NELL2: variants seen among roughly 807,000 people sequenced by gnomAD.
NELL2 encodes the protein neural EGFL like 2.
A neutral mutation model predicts 109.6 loss-of-function variants in NELL2; 41 were observed. That is an observed-to-expected ratio of 0.37 (90% CI 0.29 to 0.49). The LOEUF is 0.49. Ranked by LOEUF, NELL2 falls within the 20% of genes least tolerant of loss-of-function variation. NELL2 has a pLI of 0.98. For synonymous variants in NELL2, 355 were observed against 344.7 expected (o/e 1.03, Z -0.33); for missense variants, 900 against 1,008.3 (o/e 0.89, Z 1.45).
intron 8 of NELL2, among the ~76,000 whole-genome samples, chr12:44,775,186 C>G (rs1357880159): frequency 6.7e-6 from 1 of 149,372 alleles, no homozygotes; most frequent in East Asian, 1.9e-4. Context: ...ATATCATGTT[C>G]CTGAATAAAA....
intron 13 of NELL2, among the ~76,000 whole-genome samples, chr12:44,645,562 G>A (rs1947063225): frequency 6.6e-6 from 1 of 152,168 alleles, no homozygotes. Flanking sequence ...AAAATTGGGA[G>A]AGAAACATTT....
At chr12:44,816,799 C>G (rs1943366624) in intron 2 of NELL2, among the ~76,000 whole-genome samples, 1 of 152,182 alleles carries the variant, frequency 6.6e-6, no homozygotes, top group African/African-American at 2.4e-5. Flanking sequence ...GGGAAGTTTA[C>G]TTAAGAGAGG....
intron 13 of NELL2, among the ~76,000 whole-genome samples, chr12:44,655,852 T>G (rs1947480553): frequency 6.6e-6 from 1 of 152,164 alleles, no homozygotes; most frequent in Admixed American, 6.6e-5. Flanking sequence ...ATCATTTAGC[T>G]TTAGGGGGCA....
intron 13 of NELL2, among the ~76,000 whole-genome samples, chr12:44,613,126 A>C (rs561765918): frequency 6.6e-6 from 1 of 152,078 alleles, no homozygotes; most frequent in Non-Finnish European, 1.5e-5. Flanking sequence ...ATTTTTAAAC[A>C]TTACAATAAA....
chr12:44,854,891 G>A (rs777053425), intron 2 of NELL2, among the ~76,000 whole-genome samples: 72 of 151,986 alleles, frequency 4.7e-4, no homozygotes, highest in Non-Finnish European at 8.7e-4. Flanking sequence ...TAGTTTTGCC[G>A]TTTACACCAG....
intron 16 of NELL2, among the ~76,000 whole-genome samples, chr12:44,531,718 G>T (rs1191880399): frequency 6.6e-6 from 1 of 152,174 alleles, no homozygotes; most frequent in Admixed American, 6.5e-5. Flanking sequence ...AGGTTAGATT[G>T]TCAAAAGCTT....
intron 2 of NELL2, among the ~76,000 whole-genome samples, chr12:44,856,646 T>C (rs1605297): frequency 0.8 from 121,394 of 152,014 alleles, 48,923 homozygotes; most frequent in Middle Eastern, 0.94. Flanking sequence ...CCTGGCATGT[T>C]TGAGAAACAA....
chr12:44,811,535 G>T (rs1015263053), intron 3 of NELL2, among the ~76,000 whole-genome samples: 1 of 151,770 alleles, frequency 6.6e-6, no homozygotes, highest in African/African-American at 2.4e-5. Context: ...AAAGAAAAAG[G>T]GTGACACATA....
intron 2 of NELL2, among the ~76,000 whole-genome samples, chr12:44,846,403 C>T (rs1944371352): frequency 6.6e-6 from 1 of 152,144 alleles, no homozygotes; most frequent in African/African-American, 2.4e-5. Context: ...TTCTTTAGTG[C>T]CACTGTGGTC....
At chr12:44,695,047 AAAGG>A (rs146303263) in intron 12 of NELL2, among the ~76,000 whole-genome samples, 6 of 149,582 alleles carry the variant, frequency 4.0e-5, no homozygotes, top group Non-Finnish European at 4.4e-5. Context: ...AGGAAGGAAG[AAAGG>A]AAGGAAGGAA....
At chr12:44,681,183 A>G (rs895616475) in intron 12 of NELL2, among the ~76,000 whole-genome samples, 7 of 150,522 alleles carry the variant, frequency 4.7e-5, no homozygotes, top group Admixed American at 4.6e-4. Flanking sequence ...CATTTCTCTT[A>G]CTATGTTATA....
At chr12:44,680,426 T>C (rs1401111697) in intron 12 of NELL2, among the ~76,000 whole-genome samples, 1 of 152,162 alleles carries the variant, frequency 6.6e-6, no homozygotes, top group Non-Finnish European at 1.5e-5. Flanking sequence ...TTTTTAAAAA[T>C]CTATTTGGGA....
At chr12:44,712,863 G>A (rs561448850) in intron 10 of NELL2, among the ~76,000 whole-genome samples, 7 of 151,550 alleles carry the variant, frequency 4.6e-5, no homozygotes, top group Non-Finnish European at 8.9e-5. Context: ...TGGATATATC[G>A]GGGAAAACAG....
chr12:44,649,486 C>G (rs1947228503), intron 13 of NELL2, among the ~76,000 whole-genome samples: 1 of 152,182 alleles, frequency 6.6e-6, no homozygotes, highest in Admixed American at 6.5e-5. Context: ...AAGTGGAAGG[C>G]AAAGAGATAG....
chr12:44,528,578 T>C (rs74085081), intron 16 of NELL2, among the ~76,000 whole-genome samples: 16,822 of 152,206 alleles, frequency 0.11, 1,867 homozygotes, highest in African/African-American at 0.28. Context: ...ATTGGACAAA[T>C]AAATGTATCA....
intron 1 of NELL2, among the ~76,000 whole-genome samples, chr12:44,906,695 A>G (rs1945722875): frequency 6.6e-6 from 1 of 152,082 alleles, no homozygotes. Context: ...AGATGAAAAA[A>G]CTAGAGGAAG....
intron 3 of NELL2, among the ~76,000 whole-genome samples, chr12:44,814,227 T>G (rs990817261): frequency 6.6e-6 from 1 of 152,106 alleles, no homozygotes; most frequent in Non-Finnish European, 1.5e-5. Context: ...CCATCATCTA[T>G]GTAAGGGATG....
chr12:44,585,970 T>G (rs1286317469), intron 15 of NELL2, among the ~76,000 whole-genome samples: 1 of 150,776 alleles, frequency 6.6e-6, no homozygotes, highest in Non-Finnish European at 1.5e-5. Context: ...AGTATATTTA[T>G]GTACCCATGC....
chr12:44,719,976 T>C lies in NELL2; in HGVS notation c.995-5235A>G, dbSNP rs1946157550. ...AGTCAAACAAAAAATTTTAAAAGTG[T>C]TTTAATATTCTTAAAAAGCTCCAAT... On this transcript the variant is annotated intron_variant, in intron 9 of 19. Transcript: ENST00000429094. 2.0e-5 allele frequency among the ~76,000 whole-genome samples: 3 copies of C among 152,144 alleles called. No individual in the cohort carries two copies. The South Asian group carries it at 6.2e-4, about 32-fold the overall frequency.
Sources: gnomAD v4.1 joint callset for allele counts (sites outside exome capture counted in the v4.1 genomes callset) on GRCh38, gnomAD v4.1.1 for gene constraint, MANE v1.5 for transcripts, NCBI Gene and HGNC (gene_info 2026-07-23, HGNC 2026-07-21) for gene names.